The following CALN1 variants were observed in gnomAD, a reference collection of about 807,000 sequenced individuals.
CALN1 encodes the protein calcium-binding protein 8.
In CALN1, 17 loss-of-function variants were observed where a neutral mutation model predicts 30.6. The ratio of observed to expected loss-of-function variants is 0.56; its 90% CI spans 0.38 to 0.83. The LOEUF (loss-of-function observed/expected upper bound fraction) is 0.83. CALN1 is among the 40% of genes least tolerant of loss of function. CALN1 has a pLI of 0.00. For missense variants in CALN1, 291 were observed against 354.9 expected (o/e 0.82, Z 1.45); for synonymous variants, 156 against 131.4 (o/e 1.19, Z -1.28).
intron 2 of CALN1, among the ~76,000 whole-genome samples, chr7:72,374,523 T>A (rs1323802881): frequency 2.3e-5 from 3 of 128,090 alleles, no homozygotes; most frequent in East Asian, 2.2e-4. Flanking sequence ...AGAGAGACAC[T>A]CTGTCTCCAA....
At chr7:72,397,712 T>TCACACACACACACACACACACACACA (rs1248212217) in intron 2 of CALN1, among the ~76,000 whole-genome samples, 4 of 70,218 alleles carry the variant, frequency 5.7e-5, no homozygotes, top group Non-Finnish European at 1.2e-4. Context: ...ACCCATTCTC[T>TCACACACACACACACACACACACACA]CTCACACACA....
chr7:72,379,323 A>G (rs1286259743), intron 2 of CALN1, among the ~76,000 whole-genome samples: 2 of 152,220 alleles, frequency 1.3e-5, no homozygotes, highest in Non-Finnish European at 2.9e-5. Context: ...CTGATAATAC[A>G]GTAATTTTTA....
intron 3 of CALN1, among the ~76,000 whole-genome samples, chr7:72,228,340 A>G (rs1793833628): frequency 6.6e-6 from 1 of 151,608 alleles, no homozygotes; most frequent in African/African-American, 2.4e-5. Flanking sequence ...TCACATAACA[A>G]TTAGTTTAAA....
intron 2 of CALN1, among the ~76,000 whole-genome samples, chr7:72,345,662 TAGG>T (rs1802607852): frequency 6.6e-6 from 1 of 151,942 alleles, no homozygotes; most frequent in African/African-American, 2.4e-5. Flanking sequence ...ATAACCTCCC[TAGG>T]AGGAGGGGCA....
chr7:72,367,109 TAA>T (rs34304187), intron 2 of CALN1, among the ~76,000 whole-genome samples: 56 of 151,354 alleles, frequency 3.7e-4, no homozygotes, highest in East Asian at 2.5e-3. Context: ...ATTTTAATAA[TAA>T]AAAAAAACAG....
At chr7:72,167,546 T>C (rs1201628980) in intron 3 of CALN1, among the ~76,000 whole-genome samples, 1 of 152,200 alleles carries the variant, frequency 6.6e-6, no homozygotes, top group Non-Finnish European at 1.5e-5. Flanking sequence ...GGTTTCACCA[T>C]GTTGGCCAGG....
At chr7:72,464,896 C>G in the CALN1 span, among the ~76,000 whole-genome samples, 2 of 152,178 alleles carry the variant, frequency 1.3e-5, no homozygotes, top group South Asian at 4.1e-4. Context: ...CTAAGAATCT[C>G]CCAGACAGAA....
intron 1 of CALN1, among the ~76,000 whole-genome samples, chr7:72,437,749 CCTTTCTTTCCTTCCTT>C (rs1489679523): frequency 8.0e-6 from 1 of 125,204 alleles, no homozygotes; most frequent in Non-Finnish European, 1.6e-5. Flanking sequence ...ACCCTTCCTT[CCTTTCTTTCCTTCCTT>C]CTTTCTTTCC....
intron 6 of CALN1, among the ~76,000 whole-genome samples, chr7:71,805,669 C>T (rs142745611): frequency 6.7e-6 from 1 of 149,278 alleles, no homozygotes; most frequent in African/African-American, 2.5e-5. Flanking sequence ...GCTCGTTTTC[C>T]AACTTGCTTC....
intron 4 of CALN1, among the ~76,000 whole-genome samples, chr7:72,088,701 G>GA (rs71069024): frequency 0.011 from 797 of 72,452 alleles, 4 homozygotes; most frequent in African/African-American, 0.028. Context: ...TCCATCTCAA[G>GA]AAAAAAAAAA....
chr7:72,377,978 C>T (rs188977805), intron 2 of CALN1, among the ~76,000 whole-genome samples: 1 of 152,088 alleles, frequency 6.6e-6, no homozygotes, highest in African/African-American at 2.4e-5. Context: ...CCCCTGCCCC[C>T]ATTTCCCCCA....
intron 4 of CALN1, among the ~76,000 whole-genome samples, chr7:72,024,328 G>A (rs1235786379): frequency 6.6e-6 from 1 of 152,182 alleles, no homozygotes; most frequent in Non-Finnish European, 1.5e-5. Flanking sequence ...TACCTTCGCA[G>A]TCTCTTCTAT....
At position 72,403,297 on chromosome 7, in the gene CALN1, C is replaced by T. The variant is rs1288190007; in HGVS notation, c.73G>A (p.Gly25Arg). The T allele has an allele frequency of 7.1e-6, 11 of 1,550,554 alleles. No homozygotes were observed. Among genetic ancestry groups the T allele is most frequent in the Non-Finnish European group, 8.7e-6 (10 of 1,147,042 alleles). The change falls in exon 2 of 7, where the codon GGG (glycine) becomes AGG (arginine). Residue 25 changes from glycine to arginine, a missense_variant. By Grantham distance (125) the Gly-to-Arg change is moderately radical. Coordinates refer to ENST00000395275, the MANE Select transcript of CALN1 (RefSeq NM_031468.4). ...EKKGDGGALG[G>R]GEEPPRSQAP... ...TGGCTCCTCGGCGGCTCCTCTCCCCCTCCGAGGGCTCCTCCGTCCCCCTTT... is the reference window on the plus strand; with the variant it reads ...TGGCTCCTCGGCGGCTCCTCTCCCCTTCCGAGGGCTCCTCCGTCCCCCTTT...
chr7:72,468,678 C>T, the CALN1 span, among the ~76,000 whole-genome samples: 1 of 152,290 alleles, frequency 6.6e-6, no homozygotes, highest in Non-Finnish European at 1.5e-5. Flanking sequence ...TTTCCACTCC[C>T]ACCTGCAATG....
chr7:71,839,802 CA>C (rs1380247062), intron 5 of CALN1, among the ~76,000 whole-genome samples: 1 of 152,156 alleles, frequency 6.6e-6, no homozygotes, highest in Non-Finnish European at 1.5e-5. Flanking sequence ...ATCCAGGAAA[CA>C]AGACAGATAC....
intron 3 of CALN1, among the ~76,000 whole-genome samples, chr7:72,228,004 A>G (rs1031613756): frequency 1.1e-4 from 16 of 151,864 alleles, no homozygotes; most frequent in African/African-American, 3.4e-4. Flanking sequence ...AGCTCCTCCA[A>G]TGTCGGATTT....
At chr7:71,937,350 A>G (rs1795895084) in intron 5 of CALN1, among the ~76,000 whole-genome samples, 1 of 151,984 alleles carries the variant, frequency 6.6e-6, no homozygotes, top group Non-Finnish European at 1.5e-5. Flanking sequence ...ATACGTATTT[A>G]TATGTGTGTA....
chr7:72,354,301 AAAG>A (rs1489119980), intron 2 of CALN1, among the ~76,000 whole-genome samples: 4 of 152,356 alleles, frequency 2.6e-5, no homozygotes, highest in South Asian at 2.1e-4. Flanking sequence ...GAGAGAGATT[AAAG>A]AAGACCAAAA....
chr7:72,008,335 T>G (rs1489119292), intron 5 of CALN1, among the ~76,000 whole-genome samples: 1 of 151,870 alleles, frequency 6.6e-6, no homozygotes, highest in Non-Finnish European at 1.5e-5. Context: ...ATAGACCATA[T>G]AGTAAGTGAT....
Sources: gnomAD v4.1 joint callset for allele counts (sites outside exome capture counted in the v4.1 genomes callset) on GRCh38, gnomAD v4.1.1 for gene constraint, MANE v1.5 for transcripts, NCBI Gene and HGNC (gene_info 2026-07-23, HGNC 2026-07-21) for gene names.